SPOCK3: variants seen among roughly 807,000 people sequenced by gnomAD.
The protein encoded by SPOCK3 is testican-3.
Under a neutral mutation model 56.6 loss-of-function variants are expected in SPOCK3, and 30 were observed. The observed-to-expected ratio is 0.53, with a 90% CI of 0.40 to 0.72. The LOEUF is 0.72. Ranked by LOEUF, SPOCK3 falls within the 30% of genes least tolerant of loss-of-function variation. The probability of loss-of-function intolerance (pLI) is 0.00; values close to 1 mark genes in which losing one functional copy is unlikely to be tolerated. For missense variants in SPOCK3, 527 were observed against 530.0 expected (o/e 0.99, Z 0.06); for synonymous variants, 196 against 183.3 (o/e 1.07, Z -0.56).
intron 3 of SPOCK3, among the ~76,000 whole-genome samples, chr4:167,006,334 G>T (rs1338838346): frequency 6.6e-6 from 1 of 152,092 alleles, no homozygotes; most frequent in Non-Finnish European, 1.5e-5. Context: ...ATTCAGAGTA[G>T]CTGAAACAAT....
intron 6 of SPOCK3, among the ~76,000 whole-genome samples, chr4:166,860,566 G>C (rs537227674): frequency 2.0e-5 from 3 of 151,646 alleles, no homozygotes; most frequent in Admixed American, 1.3e-4. Flanking sequence ...AATGATAAAG[G>C]AGTGCAAGCA....
chr4:167,123,256 T>C (rs1762007942), intron 2 of SPOCK3, among the ~76,000 whole-genome samples: 1 of 152,136 alleles, frequency 6.6e-6, no homozygotes, highest in South Asian at 2.1e-4. Context: ...ATGAATGATA[T>C]ATAAGTTAAT....
chr4:167,014,891 C>T (rs1239369777), intron 3 of SPOCK3, among the ~76,000 whole-genome samples: 1 of 151,952 alleles, frequency 6.6e-6, no homozygotes, highest in Non-Finnish European at 1.5e-5. Flanking sequence ...TCAAACTACC[C>T]TTAAAATTAC....
chr4:166,968,725 G>C (rs1745030812), intron 4 of SPOCK3, among the ~76,000 whole-genome samples: 1 of 151,518 alleles, frequency 6.6e-6, no homozygotes, highest in East Asian at 1.9e-4. Context: ...TACTAGGGCA[G>C]TGCACAGGGG....
intron 7 of SPOCK3, among the ~76,000 whole-genome samples, chr4:166,788,502 G>T (rs1017301345): frequency 6.6e-6 from 1 of 151,410 alleles, no homozygotes; most frequent in East Asian, 1.9e-4. Flanking sequence ...TATATACTTT[G>T]CTCTGTTAAT....
intron 6 of SPOCK3, among the ~76,000 whole-genome samples, chr4:166,866,134 A>G (rs895045196): frequency 6.6e-6 from 1 of 152,136 alleles, no homozygotes; most frequent in Non-Finnish European, 1.5e-5. Context: ...CCACACATCT[A>G]CAACCATCTG....
At chr4:166,974,376 AT>A (rs1169157369) in intron 4 of SPOCK3, among the ~76,000 whole-genome samples, 1 of 152,182 alleles carries the variant, frequency 6.6e-6, no homozygotes, top group Non-Finnish European at 1.5e-5. Flanking sequence ...CTAAAAGAAC[AT>A]AATAATACTT....
intron 6 of SPOCK3, among the ~76,000 whole-genome samples, chr4:166,843,344 C>T (rs11132237): frequency 0.025 from 3,833 of 152,348 alleles, 46 homozygotes; most frequent in Middle Eastern, 0.041. Flanking sequence ...TCCCCTCTCA[C>T]CATGATTAGA....
rs1459537146 is a variant in SPOCK3 at position 167,108,991 on chromosome 4, T to TTTATATATATATAAATATATAC, written c.190-46476_190-46455dup. On this transcript the variant is annotated intron_variant, in intron 2 of 10. Transcript: ENST00000357545. ...AATATATAAATATTATAAATATATA[T>TTTATATATATATAAATATATAC]TTATATATATATAAATATATACTTA... 2.7e-4 allele frequency among the ~76,000 whole-genome samples: 7 copies of TTTATATATATATAAATATATAC among 26,242 alleles called. 1 individual carries two copies. Among genetic ancestry groups the TTTATATATATATAAATATATAC allele is most frequent in the African/African-American group, 1.5e-3 (7 of 4,704 alleles). The allele number at this position is 26,242 out of a possible 152,430, so 17.2% of individuals were successfully genotyped here.
intron 2 of SPOCK3, among the ~76,000 whole-genome samples, chr4:167,176,624 G>C (rs899153449): frequency 6.6e-6 from 1 of 151,840 alleles, no homozygotes; most frequent in Non-Finnish European, 1.5e-5. Flanking sequence ...ATCTCTTTCA[G>C]TTCTTGGGTA....
chr4:166,990,777 C>T (rs1282265894), intron 4 of SPOCK3, among the ~76,000 whole-genome samples: 1 of 151,944 alleles, frequency 6.6e-6, no homozygotes, highest in African/African-American at 2.4e-5. Context: ...GAATTCATAG[C>T]AAGCATCATC....
At chr4:167,229,936 C>A (rs1736987201) in intron 2 of SPOCK3, among the ~76,000 whole-genome samples, 1 of 151,904 alleles carries the variant, frequency 6.6e-6, no homozygotes, top group Admixed American at 6.6e-5. Flanking sequence ...TCAGAATGAG[C>A]CCCAGGTATT....
chr4:166,794,686 A>G (rs1470912773), intron 6 of SPOCK3, among the ~76,000 whole-genome samples: 1 of 125,418 alleles, frequency 8.0e-6, no homozygotes, highest in Non-Finnish European at 1.6e-5. Flanking sequence ...CTTGTTGCCC[A>G]TGCTGGGATG....
chr4:167,191,701 C>CTA lies in SPOCK3; in HGVS notation c.189+42282_189+42283dup, dbSNP rs1186289723. On this transcript the variant is annotated intron_variant, in intron 2 of 10. Transcript: ENST00000357545. ...TTTTTTGTGAAGTCTTTATAAGTTT[C>CTA]TACATATAAGATTATATCATCTGCA... Among the ~76,000 whole-genome samples, 7 of 144,684 alleles carry CTA rather than the reference C, an allele frequency of 4.8e-5. 2 individuals are homozygous for CTA. The highest frequency in any genetic ancestry group is 2.1e-4 in the Admixed American group (3 of 14,006). 94.9% of individuals were successfully genotyped at this position (144,684 alleles called of 152,430 possible). A position where few individuals can be genotyped will look rare whatever the true frequency, so the allele number is the denominator to read the frequency against.
At chr4:167,157,566 A>T (rs1180973776) in intron 2 of SPOCK3, among the ~76,000 whole-genome samples, 2 of 151,540 alleles carry the variant, frequency 1.3e-5, no homozygotes, top group African/African-American at 4.8e-5. Context: ...CACATATTAT[A>T]TTTCTTCTGT....
intron 6 of SPOCK3, among the ~76,000 whole-genome samples, chr4:166,821,274 C>G (rs1377385661): frequency 6.6e-6 from 1 of 152,032 alleles, no homozygotes; most frequent in Non-Finnish European, 1.5e-5. Flanking sequence ...AATACCACTT[C>G]ACAGCTACAA....
At chr4:167,159,127 A>G (rs1172754372) in intron 2 of SPOCK3, among the ~76,000 whole-genome samples, 1 of 152,000 alleles carries the variant, frequency 6.6e-6, no homozygotes, top group Non-Finnish European at 1.5e-5. Flanking sequence ...AATCTGAGGT[A>G]AGTTGTTTAA....
intron 2 of SPOCK3, among the ~76,000 whole-genome samples, chr4:167,200,454 T>C (rs1173350311): frequency 1.3e-5 from 2 of 151,984 alleles, no homozygotes; most frequent in Non-Finnish European, 2.9e-5. Context: ...AGTACTATAC[T>C]GAAAAAGCAA....
intron 2 of SPOCK3, among the ~76,000 whole-genome samples, chr4:167,202,951 G>T (rs1033468300): frequency 6.6e-6 from 1 of 151,386 alleles, no homozygotes; most frequent in African/African-American, 2.4e-5. Flanking sequence ...CTTTTATTTG[G>T]TTTTTTAAAA....
Sources: allele counts gnomAD v4.1 joint callset (sites outside exome capture counted in the v4.1 genomes callset), GRCh38; gene constraint gnomAD v4.1.1; transcripts MANE v1.5; gene names NCBI Gene and HGNC (gene_info 2026-07-23, HGNC 2026-07-21).